The following L3HYPDH variants were observed in gnomAD, a reference collection of about 807,000 sequenced individuals.
L3HYPDH encodes trans-3-hydroxy-L-proline dehydratase.
L3HYPDH carries 32 observed loss-of-function variants against 26.5 expected under a neutral mutation model. The ratio of observed to expected loss-of-function variants is 1.21; its 90% CI spans 0.91 to 1.62. L3HYPDH has a LOEUF of 1.62. Ranked by LOEUF, L3HYPDH falls within the 40% of genes most tolerant of loss-of-function variation. L3HYPDH has a pLI of 0.00. For missense variants in L3HYPDH, 554 were observed against 476.4 expected (o/e 1.16, Z -1.52); for synonymous variants, 215 against 196.6 (o/e 1.09, Z -0.78).
chr14:59,498,735 T>TTTATC, the L3HYPDH span: 7 of 1,501,474 alleles, frequency 4.7e-6, no homozygotes, highest in Non-Finnish European at 6.4e-6. Context: ...AGATATACCA[T>TTTATC]TGTATTTATC....
At chr14:59,481,151 A>C (rs1889991181) in intron 1 of L3HYPDH, among the ~76,000 whole-genome samples, 1 of 152,172 alleles carries the variant, frequency 6.6e-6, no homozygotes, top group South Asian at 2.1e-4. Flanking sequence ...CACCTCACTG[A>C]GTTTCAGTTT....
chr14:59,466,638 G>T (rs1441808680), intron 1 of L3HYPDH, among the ~76,000 whole-genome samples: 1 of 152,180 alleles, frequency 6.6e-6, no homozygotes, highest in Non-Finnish European at 1.5e-5. Flanking sequence ...TATATTTGTA[G>T]ATCTTAGAAT....
chr14:59,473,155 CTG>C (rs1380478496), intron 4 of L3HYPDH, 65 bp from the exon 5 acceptor site: 6 of 1,446,292 alleles, frequency 4.1e-6, no homozygotes, highest in Admixed American at 2.3e-5. Flanking sequence ...GGCTTGAAAA[CTG>C]TACTCTTGAC....
chr14:59,487,961 T>G, upstream of L3HYPDH: 1 of 859,876 alleles, frequency 1.2e-6, no homozygotes, highest in Non-Finnish European at 1.8e-6. Context: ...TTCAGATTAT[T>G]CTTAACTGTG....
intron 1 of L3HYPDH, among the ~76,000 whole-genome samples, chr14:59,466,446 G>C (rs1189633789): frequency 2.0e-5 from 3 of 152,154 alleles, no homozygotes; most frequent in Non-Finnish European, 4.4e-5. Flanking sequence ...ATGGACATTG[G>C]ACCAGCAGCA....
chr14:59,501,266 A>T, the L3HYPDH span: 4 of 1,579,922 alleles, frequency 2.5e-6, no homozygotes, highest in Non-Finnish European at 3.5e-6. Flanking sequence ...TCTGAAATAG[A>T]GGTAGGAAGT....
chr14:59,505,019 A>C, the L3HYPDH span: 1 of 346,616 alleles, frequency 2.9e-6, no homozygotes. Flanking sequence ...CAACCATGGA[A>C]GCAAAATGAA....
At chr14:59,487,622 T>C, upstream of L3HYPDH, 1 of 1,383,768 alleles carries the variant, frequency 7.2e-7, no homozygotes, top group East Asian at 2.3e-5. Context: ...GGGGGGGTGT[T>C]AATGTTGTAA....
At chr14:59,498,344 G>A in the L3HYPDH span, among the ~76,000 whole-genome samples, 31 of 152,054 alleles carry the variant, frequency 2.0e-4, no homozygotes, top group African/African-American at 7.2e-4. Flanking sequence ...AATATAACCA[G>A]TTTCTTACAT....
At chr14:59,491,022 T>G in the L3HYPDH span, among the ~76,000 whole-genome samples, 1 of 152,232 alleles carries the variant, frequency 6.6e-6, no homozygotes, top group Admixed American at 6.5e-5. Context: ...GTTGTACAAC[T>G]GTGCTTTGCC....
At chr14:59,502,764 T>TCTTTGTTTTTGTTTTTTG in the L3HYPDH span, among the ~76,000 whole-genome samples, 5 of 130,472 alleles carry the variant, frequency 3.8e-5, 2 homozygotes, top group East Asian at 4.2e-4. Flanking sequence ...TTTTTTTTTT[T>TCTTTGTTTTTGTTTTTTG]TTTTTTTTTC....
chr14:59,495,080 C>G, the L3HYPDH span: 1 of 1,613,828 alleles, frequency 6.2e-7, no homozygotes, highest in East Asian at 2.2e-5. Flanking sequence ...GCTATTATCA[C>G]CTTACTTGTG....
the L3HYPDH span, chr14:59,498,669 G>T: frequency 1.1e-6 from 1 of 946,920 alleles, no homozygotes; most frequent in Non-Finnish European, 1.6e-6. Context: ...AAATGATCAA[G>T]ATTAAAAACA....
downstream of L3HYPDH, among the ~76,000 whole-genome samples, chr14:59,468,669 A>T (rs1422704424): frequency 6.6e-6 from 1 of 152,212 alleles, no homozygotes; most frequent in Admixed American, 6.5e-5. Context: ...ATACTATATG[A>T]GGACCTAAAC....
At chr14:59,480,422 A>G (rs1385097312) in intron 1 of L3HYPDH, among the ~76,000 whole-genome samples, 1 of 152,214 alleles carries the variant, frequency 6.6e-6, no homozygotes, top group Non-Finnish European at 1.5e-5. Flanking sequence ...TTTGCTGGTT[A>G]ACTGTGTAAG....
downstream of L3HYPDH, among the ~76,000 whole-genome samples, chr14:59,471,577 C>T (rs748660063): frequency 4.6e-5 from 7 of 152,034 alleles, no homozygotes; most frequent in Non-Finnish European, 1.0e-4. Flanking sequence ...AAATTATCAC[C>T]AAATGCTGAC....
At chr14:59,479,640 A>G (rs1378215187) in intron 1 of L3HYPDH, among the ~76,000 whole-genome samples, 1 of 152,174 alleles carries the variant, frequency 6.6e-6, no homozygotes, top group Non-Finnish European at 1.5e-5. Flanking sequence ...TTTTCTAGGA[A>G]ACACCCCTGA....
downstream of L3HYPDH, among the ~76,000 whole-genome samples, chr14:59,469,869 C>T (rs1889270776): frequency 6.6e-6 from 1 of 151,976 alleles, no homozygotes; most frequent in Non-Finnish European, 1.5e-5. Flanking sequence ...AGTCTCTCTA[C>T]AAGAGGGAAA....
the L3HYPDH span, among the ~76,000 whole-genome samples, chr14:59,497,301 G>T: frequency 0.43 from 65,336 of 152,006 alleles, 15,849 homozygotes; most frequent in African/African-American, 0.66. Flanking sequence ...CTTATAGCAG[G>T]AATTAGCTTT....
Sources: gnomAD v4.1 joint callset for allele counts (sites outside exome capture counted in the v4.1 genomes callset) on GRCh38, gnomAD v4.1.1 for gene constraint, MANE v1.5 for transcripts, NCBI Gene and HGNC (gene_info 2026-07-23, HGNC 2026-07-21) for gene names.